Variants in ANK1 observed in about 807,000 individuals in gnomAD.
The protein encoded by ANK1 is ankyrin 1.
In ANK1, 51 loss-of-function variants were observed where a neutral mutation model predicts 210.4. That is an observed-to-expected ratio of 0.24 (90% CI 0.19 to 0.31). The LOEUF is 0.31. ANK1 is among the 10% of genes least tolerant of loss of function. ANK1 has a pLI of 1.00. For missense variants in ANK1, 2,051 were observed against 2,504.4 expected (o/e 0.82, Z 3.86); for synonymous variants, 967 against 1,025.9 (o/e 0.94, Z 1.10).
chr8:41,662,066 G>A, intron 40 of ANK1, 125 bp from the exon 41 acceptor site: 3 of 1,251,916 alleles, frequency 2.4e-6, no homozygotes, highest in Non-Finnish European at 3.4e-6. Flanking sequence ...AGACCAGCCT[G>A]GCCAACATGG....
In ANK1 at chr8:41,724,451, G is replaced by A. The variant is rs753548936; in HGVS notation, c.711+5C>T. ...ACAGTGAGGGCGCACGTGCCCCAGG[G>A]TTACCTGTGGTGTGAAATTGACGCT... On this transcript the variant is annotated splice_donor_5th_base_variant and intron_variant, in intron 7 of 42. Transcript: ENST00000289734. 11 of 1,570,046 alleles carry A rather than the reference G, an allele frequency of 7.0e-6. No homozygotes were observed. Among genetic ancestry groups the A allele is most frequent in the Non-Finnish European group, 8.6e-6 (10 of 1,157,420 alleles).
At chr8:41,820,975 G>C (rs1804167816) in intron 1 of ANK1, among the ~76,000 whole-genome samples, 1 of 152,160 alleles carries the variant, frequency 6.6e-6, no homozygotes, top group Non-Finnish European at 1.5e-5. Flanking sequence ...GGCAATAAAA[G>C]TTGTCTGGAG....
chr8:41,707,283 AT>A (rs1824853700), intron 17 of ANK1, among the ~76,000 whole-genome samples: 1 of 152,230 alleles, frequency 6.6e-6, no homozygotes, highest in African/African-American at 2.4e-5. Context: ...CCACATGAAA[AT>A]GTCAGAAAAG....
chr8:41,677,116 T>C (rs953537038), intron 37 of ANK1, among the ~76,000 whole-genome samples: 20 of 152,240 alleles, frequency 1.3e-4, no homozygotes, highest in African/African-American at 4.8e-4. Context: ...TTTTCCAATT[T>C]ACTGGCACAA....
chr8:41,653,441 G>A lies in ANK1; in HGVS notation c.*2349C>T, dbSNP rs1804713034. On this transcript the variant is annotated 3_prime_UTR_variant, in exon 43 of 43. Coordinates refer to ENST00000289734, the MANE Select transcript of ANK1 (RefSeq NM_000037.4). Reference sequence around the variant, plus strand: ...CAGACTGCAGCATTCTCTAGGCATCGTGTGGAGACCCCAAACTCCTCCCCT... The same window carrying A: ...CAGACTGCAGCATTCTCTAGGCATCATGTGGAGACCCCAAACTCCTCCCCT... The A allele has an allele frequency of 6.5e-6, 1 of 152,674 alleles. No homozygotes were observed. The highest frequency in any genetic ancestry group is 2.4e-5 in the African/African-American group (1 of 41,460). The allele number at this position is 152,674 out of a possible 1,614,324, so 9.5% of individuals were successfully genotyped here. A position where few individuals can be genotyped will look rare whatever the true frequency, so the allele number is the denominator to read the frequency against.
At chr8:41,797,643 G>T, upstream of ANK1, 1 of 1,546,880 alleles carries the variant, frequency 6.5e-7, no homozygotes, top group Non-Finnish European at 8.7e-7. The surrounding 1 kb of genome is among the most constrained non-coding windows in gnomAD (Gnocchi z 4.0). Context: ...TGACGTGCGG[G>T]CCAGGCCCCC....
intron 1 of ANK1, among the ~76,000 whole-genome samples, chr8:41,865,105 G>A (rs1025095353): frequency 6.6e-6 from 1 of 152,124 alleles, no homozygotes; most frequent in Admixed American, 6.5e-5. Flanking sequence ...CACACCCTCT[G>A]AGCTGAGGCC....
upstream of ANK1, among the ~76,000 whole-genome samples, chr8:41,802,072 C>T (rs1362992079): frequency 6.6e-6 from 1 of 152,176 alleles, no homozygotes; most frequent in Non-Finnish European, 1.5e-5. Flanking sequence ...TCACTGCAAC[C>T]TCCGCCTCCC....
intron 37 of ANK1, among the ~76,000 whole-genome samples, chr8:41,678,186 T>C (rs1814833303): frequency 6.6e-6 from 1 of 152,044 alleles, no homozygotes; most frequent in Non-Finnish European, 1.5e-5. Flanking sequence ...TCACCCAGAC[T>C]GGAATGCAGT....
intron 1 of ANK1, among the ~76,000 whole-genome samples, chr8:41,771,188 C>G (rs1164878632): frequency 6.6e-6 from 1 of 152,080 alleles, no homozygotes; most frequent in African/African-American, 2.4e-5. Flanking sequence ...ATAAGAGATA[C>G]GTGACTTAAT....
At chr8:41,738,473 C>T (rs1306758746) in intron 2 of ANK1, among the ~76,000 whole-genome samples, 1 of 152,218 alleles carries the variant, frequency 6.6e-6, no homozygotes, top group African/African-American at 2.4e-5. Context: ...GGAGCTTGTA[C>T]AGCTGTCTTA....
chr8:41,695,364 G>A lies in ANK1; in HGVS notation c.2961-33C>T. The A allele has an allele frequency of 1.9e-6, 3 of 1,613,184 alleles. No individual in the cohort carries two copies. The South Asian group carries it at 3.3e-5, about 18-fold the overall frequency. On this transcript the variant is annotated intron_variant, in intron 26 of 42. Transcript: ENST00000289734. ...AAGGACACAGTGGTGGTGGGGAGGT[G>A]CTCATACAAGGCAGGCAGGGCACAG...
intron 6 of ANK1, 35 bp downstream of exon 6, chr8:41,725,726 G>C: frequency 6.3e-7 from 1 of 1,593,196 alleles, no homozygotes; most frequent in Non-Finnish European, 8.5e-7. Context: ...ACGGGCGTCC[G>C]CGGCCCAAGG....
At chr8:41,674,736 T>C (rs1012378561) in intron 37 of ANK1, among the ~76,000 whole-genome samples, 4 of 152,164 alleles carry the variant, frequency 2.6e-5, no homozygotes, top group African/African-American at 9.7e-5. Context: ...TGGTTCCAGG[T>C]CCCAAATGAG....
chr8:41,785,912 G>A (rs570140715), intron 1 of ANK1, among the ~76,000 whole-genome samples: 2 of 152,280 alleles, frequency 1.3e-5, no homozygotes, highest in South Asian at 2.1e-4. Context: ...CATGCTTTCC[G>A]CACTGTCGGG....
chr8:41,884,175 C>T lies in ANK1; in HGVS notation c.126+12180G>A, dbSNP rs112546858. On this transcript the variant is annotated intron_variant, in intron 1 of 42. Coordinates refer to the ANK1 transcript ENST00000265709. ...GACCAGCCTGGGTAATATGGTGAAA[C>T]CCTGTCTCCACAAAAATAAAACATG... is the stretch of plus-strand genomic sequence containing the variant. Among the ~76,000 whole-genome samples, 565 of 152,186 alleles carry T rather than the reference C, an allele frequency of 3.7e-3. 1 individual carries two copies. Among genetic ancestry groups the T allele is most frequent in the African/African-American group, 0.013 (546 of 41,520 alleles).
intron 2 of ANK1, among the ~76,000 whole-genome samples, chr8:41,746,837 G>A (rs1380240498): frequency 1.4e-5 from 2 of 147,962 alleles, no homozygotes; most frequent in African/African-American, 2.5e-5. Context: ...GGACTAGAAA[G>A]AGCATCTATG....
chr8:41,834,002 C>T (rs927670242), intron 1 of ANK1, among the ~76,000 whole-genome samples: 4 of 152,158 alleles, frequency 2.6e-5, no homozygotes, highest in Non-Finnish European at 2.9e-5. Flanking sequence ...GGTGAGAAAC[C>T]GCTGGAGTAC....
chr8:41,786,126 C>T (rs541756521), intron 1 of ANK1, among the ~76,000 whole-genome samples: 4 of 152,302 alleles, frequency 2.6e-5, no homozygotes, highest in South Asian at 2.1e-4. Context: ...GGTTTGTGGT[C>T]GAGGCACAGC....
Sources: allele counts gnomAD v4.1 joint callset (sites outside exome capture counted in the v4.1 genomes callset), GRCh38; gene constraint gnomAD v4.1.1; non-coding constraint Gnocchi (gnomAD v3.1); transcripts MANE v1.5; gene names NCBI Gene and HGNC (gene_info 2026-07-23, HGNC 2026-07-21).